TACR3: variants seen among roughly 807,000 people sequenced by gnomAD.
The protein encoded by TACR3 is neuromedin-K receptor.
TACR3 carries 34 observed loss-of-function variants against 35.0 expected under a neutral mutation model. The observed-to-expected ratio is 0.97, with a 90% confidence interval of 0.74 to 1.30. The LOEUF is 1.30. TACR3 is among the 50% of genes most tolerant of loss of function. TACR3 has a pLI of 0.00. For synonymous variants in TACR3, 233 were observed against 221.1 expected, an observed-to-expected ratio of 1.05 and a Z score of -0.48; for missense variants, 558 against 591.7, an observed-to-expected ratio of 0.94 and a Z score of 0.59.
At chr4:103,593,985 G>A (rs764833222) in intron 3 of TACR3, among the ~76,000 whole-genome samples, 4 of 152,114 alleles carry the variant, frequency 2.6e-5, no homozygotes, top group African/African-American at 4.8e-5. Flanking sequence ...AAATGAACAG[G>A]TGAAAGTGAC....
At chr4:103,652,902 A>G (rs990226610) in intron 3 of TACR3, among the ~76,000 whole-genome samples, 2 of 152,116 alleles carry the variant, frequency 1.3e-5, no homozygotes. Flanking sequence ...GATTATTAGT[A>G]ATAGCTGTAT....
chr4:103,709,978 A>G (rs1486695295), intron 1 of TACR3, among the ~76,000 whole-genome samples: 3 of 152,196 alleles, frequency 2.0e-5, no homozygotes, highest in Admixed American at 1.3e-4. Flanking sequence ...ATGTATATGC[A>G]CCCAACACAG....
chr4:103,657,273 T>C, intron 2 of TACR3, among the ~76,000 whole-genome samples: 1 of 152,030 alleles, frequency 6.6e-6, no homozygotes, highest in East Asian at 1.9e-4. Context: ...TCCTTGCCTT[T>C]CCATTTCTCA....
At chr4:103,641,775 A>G (rs1262945862) in intron 3 of TACR3, among the ~76,000 whole-genome samples, 1 of 152,016 alleles carries the variant, frequency 6.6e-6, no homozygotes, top group Non-Finnish European at 1.5e-5. Flanking sequence ...TATACACACA[A>G]TGAAATACTA....
At chr4:103,629,862 A>AAAAAAAAAC (rs1725011499) in intron 3 of TACR3, among the ~76,000 whole-genome samples, 12 of 111,554 alleles carry the variant, frequency 1.1e-4, no homozygotes, top group African/African-American at 3.3e-4. Flanking sequence ...AAAAAAAAAC[A>AAAAAAAAAC]AAAAAAAAAC....
chr4:103,599,885 A>G (rs1724149989), intron 3 of TACR3, among the ~76,000 whole-genome samples: 2 of 152,164 alleles, frequency 1.3e-5, no homozygotes, highest in South Asian at 2.1e-4. Context: ...TTTTGCATCA[A>G]TGTTCATCAA....
chr4:103,644,060 C>T (rs1905174), intron 3 of TACR3, among the ~76,000 whole-genome samples: 55,000 of 151,474 alleles, frequency 0.36, 10,622 homozygotes, highest in African/African-American at 0.5. Flanking sequence ...TTTTCTAGGC[C>T]TTTCAAAGTG....
chr4:103,614,882 G>GTTTTTTTTTTTTTT (rs1325226834), intron 3 of TACR3, among the ~76,000 whole-genome samples: 3 of 90,874 alleles, frequency 3.3e-5, no homozygotes, highest in Non-Finnish European at 4.5e-5. Flanking sequence ...GATTATGAAT[G>GTTTTTTTTTTTTTT]TGTTTTTTTT....
intron 1 of TACR3, among the ~76,000 whole-genome samples, chr4:103,679,593 A>C (rs1296337579): frequency 6.6e-6 from 1 of 151,962 alleles, no homozygotes; most frequent in African/African-American, 2.4e-5. Context: ...GTAATTGCTG[A>C]CTTTGAGGAA....
chr4:103,621,634 TAAGGA>T (rs1173605992), intron 3 of TACR3, among the ~76,000 whole-genome samples: 1 of 152,152 alleles, frequency 6.6e-6, no homozygotes, highest in Non-Finnish European at 1.5e-5. Flanking sequence ...GAACATTGAT[TAAGGA>T]AAGGGAAAAG....
intron 3 of TACR3, among the ~76,000 whole-genome samples, chr4:103,628,168 C>T (rs924575251): frequency 1.3e-5 from 2 of 152,110 alleles, no homozygotes; most frequent in Non-Finnish European, 2.9e-5. Flanking sequence ...AAATTTACAG[C>T]ACTAAATGCC....
chr4:103,629,196 A>C (rs1016977952), intron 3 of TACR3, among the ~76,000 whole-genome samples: 116 of 152,320 alleles, frequency 7.6e-4, no homozygotes, highest in African/African-American at 2.6e-3. Context: ...CTGAATGGGC[A>C]AAAACTGGAA....
intron 3 of TACR3, among the ~76,000 whole-genome samples, chr4:103,619,201 T>A (rs891056224): frequency 6.6e-6 from 1 of 150,592 alleles, no homozygotes; most frequent in African/African-American, 2.4e-5. Context: ...GACTTCCTAT[T>A]TTTTTTTTGA....
At chr4:103,675,954 G>C (rs1726161163) in intron 1 of TACR3, among the ~76,000 whole-genome samples, 1 of 152,036 alleles carries the variant, frequency 6.6e-6, no homozygotes, top group Non-Finnish European at 1.5e-5. Context: ...TATATAATTG[G>C]CAAATTTCTA....
At chr4:103,641,406 A>G (rs984924814) in intron 3 of TACR3, among the ~76,000 whole-genome samples, 2 of 152,060 alleles carry the variant, frequency 1.3e-5, no homozygotes, top group Non-Finnish European at 2.9e-5. Flanking sequence ...AGGGAAATTC[A>G]AATTAAAACC....
chr4:103,707,578 C>T (rs544607795), intron 1 of TACR3, among the ~76,000 whole-genome samples: 14 of 152,208 alleles, frequency 9.2e-5, no homozygotes, highest in African/African-American at 2.2e-4. Context: ...GTGTGAGCGA[C>T]GCAGAAGATG....
chr4:103,707,997 G>A (rs76680809), intron 1 of TACR3, among the ~76,000 whole-genome samples: 4 of 152,174 alleles, frequency 2.6e-5, no homozygotes, highest in South Asian at 2.1e-4. Context: ...TAAACAAAGC[G>A]GCCAGGAAGC....
intron 2 of TACR3, 86 bp from the exon 3 acceptor site, chr4:103,656,430 T>A: frequency 1.6e-6 from 2 of 1,286,284 alleles, no homozygotes; most frequent in Non-Finnish European, 2.2e-6. Flanking sequence ...AAATCATAAT[T>A]AAAACTACCA....
chr4:103,706,669 T>C (rs1205064883), intron 1 of TACR3, among the ~76,000 whole-genome samples: 1 of 152,114 alleles, frequency 6.6e-6, no homozygotes, highest in Non-Finnish European at 1.5e-5. Flanking sequence ...AGGTTGGTGA[T>C]ATTTAGAGGG....
Sources: gnomAD v4.1 joint callset for allele counts (sites outside exome capture counted in the v4.1 genomes callset) on GRCh38, gnomAD v4.1.1 for gene constraint, MANE v1.5 for transcripts, NCBI Gene and HGNC (gene_info 2026-07-23, HGNC 2026-07-21) for gene names.